PROM1: variants seen among roughly 807,000 people sequenced by gnomAD.
The protein encoded by PROM1 is prominin-1.
In PROM1, 105 loss-of-function variants were observed where a neutral mutation model predicts 116.9. That is an observed-to-expected ratio of 0.90 (90% confidence interval 0.77 to 1.06). PROM1 has a LOEUF of 1.06. PROM1 is among the 50% of genes least tolerant of loss of function. The probability of loss-of-function intolerance (pLI) is 0.00; values close to 1 mark genes in which losing one functional copy is unlikely to be tolerated. For missense variants in PROM1, 1,122 were observed against 1,045.2 expected (o/e 1.07, Z -1.01); for synonymous variants, 393 against 387.0 (o/e 1.02, Z -0.18).
chr4:15,989,300 A>G (rs902011119), intron 19 of PROM1, among the ~76,000 whole-genome samples: 5 of 152,198 alleles, frequency 3.3e-5, no homozygotes, highest in Non-Finnish European at 5.9e-5. Context: ...AGGATGGAAG[A>G]GAGGAGAGAC....
At chr4:16,044,514 TG>T (rs1488917929) in intron 2 of PROM1, among the ~76,000 whole-genome samples, 1 of 152,208 alleles carries the variant, frequency 6.6e-6, no homozygotes, top group African/African-American at 2.4e-5. Flanking sequence ...CTTTTGCCTT[TG>T]GTGGCCCCAT....
At chr4:16,051,992 T>C (rs1425824941) in intron 2 of PROM1, among the ~76,000 whole-genome samples, 1 of 152,056 alleles carries the variant, frequency 6.6e-6, no homozygotes, top group Non-Finnish European at 1.5e-5. Flanking sequence ...AAACCCCAAA[T>C]GAAAAGGGAG....
At chr4:16,004,829 T>TA (rs1553903958) in intron 13 of PROM1, among the ~76,000 whole-genome samples, 1 of 90,184 alleles carries the variant, frequency 1.1e-5, no homozygotes, top group Non-Finnish European at 2.5e-5. Context: ...CTTTCTTTCT[T>TA]TTTCTTCCTT....
At chr4:16,024,593 C>T (rs969634412) in intron 6 of PROM1, among the ~76,000 whole-genome samples, 1 of 152,130 alleles carries the variant, frequency 6.6e-6, no homozygotes, top group Non-Finnish European at 1.5e-5. Context: ...AATTCATCAA[C>T]ATACTTCTGG....
intron 5 of PROM1, among the ~76,000 whole-genome samples, chr4:16,026,740 T>C (rs1731390220): frequency 1.3e-5 from 2 of 152,180 alleles, no homozygotes; most frequent in Non-Finnish European, 2.9e-5. Context: ...TACTTTTCCT[T>C]TGCAGTATAA....
At chr4:16,023,264 G>T in intron 8 of PROM1, 62 bp downstream of exon 8, 2 of 1,399,162 alleles carry the variant, frequency 1.4e-6, no homozygotes, top group Non-Finnish European at 2.0e-6. Flanking sequence ...GAGTGAGCAA[G>T]CCTGCCAAGC....
chr4:15,981,665 A>G (rs1235734489), intron 23 of PROM1, among the ~76,000 whole-genome samples: 1 of 152,134 alleles, frequency 6.6e-6, no homozygotes, highest in Non-Finnish European at 1.5e-5. Context: ...ATTCCATGAC[A>G]TTACTGTGTC....
At chr4:15,992,149 G>T in intron 17 of PROM1, 99 bp downstream of exon 17, 1 of 1,476,218 alleles carries the variant, frequency 6.8e-7, no homozygotes, top group Non-Finnish European at 9.3e-7. Context: ...CTTACATCAT[G>T]TGAATCTCAT....
At chr4:16,000,988 G>A (rs538939986) in intron 13 of PROM1, among the ~76,000 whole-genome samples, 1 of 152,296 alleles carries the variant, frequency 6.6e-6, no homozygotes, top group East Asian at 1.9e-4. Flanking sequence ...AGCACACGAG[G>A]AGCACAACCC....
intron 2 of PROM1, among the ~76,000 whole-genome samples, chr4:16,068,762 A>G (rs1481157409): frequency 6.6e-6 from 1 of 152,176 alleles, no homozygotes; most frequent in Non-Finnish European, 1.5e-5. Context: ...GAGCTCTTAT[A>G]CTCACTATAA....
At chr4:16,018,628 G>C in intron 8 of PROM1, 88 bp from the exon 9 acceptor site, 1 of 1,208,356 alleles carries the variant, frequency 8.3e-7, no homozygotes, top group South Asian at 1.4e-5. Flanking sequence ...GGATGGACTG[G>C]TAAATGACTT....
intron 15 of PROM1, among the ~76,000 whole-genome samples, chr4:15,994,671 T>C (rs576721876): frequency 3.9e-5 from 6 of 152,196 alleles, no homozygotes; most frequent in Admixed American, 2.0e-4. Context: ...ATCTCTAAAA[T>C]AGGAAAATTT....
At chr4:15,972,541 C>T (rs574047264) in intron 26 of PROM1, among the ~76,000 whole-genome samples, 3 of 152,256 alleles carry the variant, frequency 2.0e-5, no homozygotes, top group East Asian at 3.9e-4. Flanking sequence ...TCCAAGGTCT[C>T]GCCTGTTAAT....
rs765318018 is a variant in PROM1, at chr4:16,023,357, AGGGATGATGTTGG to A, written c.740_752del (p.Pro247LeufsTer23). The stretch of plus-strand genomic sequence containing the variant: ...CCATGGACTTAATCTCATCAAGAAC[AGGGATGATGTTGG>A]GTCTCAGTCGGTCAAGAATTCCGCC... On this transcript the variant is annotated frameshift_variant, in exon 8 of 28. Coordinates refer to ENST00000447510, the MANE Select transcript of PROM1 (RefSeq NM_006017.3). LOFTEE classifies it high-confidence loss of function. 6.2e-7 allele frequency: 1 copy of A among 1,607,538 alleles called. No homozygotes were observed. Among genetic ancestry groups the A allele is most frequent in the East Asian group, 2.2e-5 (1 of 44,736 alleles).
rs567225749 is a variant in PROM1 at position 15,982,849 on chromosome 4, G to A, written c.2373+1414C>T. ...CCAGGAAGCAGGGCCTAGGGTCTGC[G>A]TGGTTGGGTCGGAGGCAGAATCCTT... On this transcript the variant is annotated intron_variant, in intron 23 of 27. Coordinates refer to ENST00000447510, the MANE Select transcript of PROM1 (RefSeq NM_006017.3). Among the ~76,000 whole-genome samples the A allele has an allele frequency of 6.2e-4, 94 of 152,338 alleles. 1 individual carries two copies. In the South Asian group the frequency reaches 0.019, roughly 30 times the overall value.
chr4:16,058,857 A>G (rs1465299151), intron 2 of PROM1, among the ~76,000 whole-genome samples: 2 of 152,266 alleles, frequency 1.3e-5, no homozygotes, highest in South Asian at 4.1e-4. Context: ...AACAAAGATA[A>G]TTTTTCAGTT....
rs530327619 is a variant in PROM1 at position 16,065,795 on chromosome 4, G to A, written c.220+9892C>T. On this transcript the variant is annotated intron_variant, in intron 2 of 27. Transcript: ENST00000447510. ...AAGAATATAGCAGGAGTAGCAGGCTGAATGGTGTTCCCCAAAATGACAGAT... is the reference window on the plus strand; with the variant it reads ...AAGAATATAGCAGGAGTAGCAGGCTAAATGGTGTTCCCCAAAATGACAGAT... Among the ~76,000 whole-genome samples, 147 of 152,350 alleles carry A rather than the reference G, an allele frequency of 9.6e-4. 2 individuals are homozygous for A. Among genetic ancestry groups the A allele is most frequent in the African/African-American group, 3.5e-3 (144 of 41,580 alleles).
chr4:15,991,081 T>A (rs1295105165), intron 18 of PROM1, 141 bp downstream of exon 18: 2 of 671,142 alleles, frequency 3.0e-6, no homozygotes, highest in Non-Finnish European at 5.0e-6. Flanking sequence ...GACGGAAACG[T>A]AATGACACAC....
chr4:15,974,028 C>T (rs1012537691), intron 26 of PROM1, among the ~76,000 whole-genome samples: 3 of 152,148 alleles, frequency 2.0e-5, no homozygotes, highest in Non-Finnish European at 4.4e-5. Flanking sequence ...AAGCAACTTT[C>T]TCTCCTGATC....
Sources: gnomAD v4.1 joint callset for allele counts (sites outside exome capture counted in the v4.1 genomes callset) on GRCh38, gnomAD v4.1.1 for gene constraint, MANE v1.5 for transcripts, NCBI Gene and HGNC (gene_info 2026-07-23, HGNC 2026-07-21) for gene names.